Variants in GFPT1 observed in about 807,000 individuals in gnomAD.
The protein encoded by GFPT1 is glutamine--fructose-6-phosphate aminotransferase [isomerizing] 1.
In GFPT1, 40 loss-of-function variants were observed where a neutral mutation model predicts 92.0. The ratio of observed to expected loss-of-function variants is 0.43; its 90% CI spans 0.34 to 0.57. The LOEUF is 0.57. Among genes scored for constraint, GFPT1 ranks in the 20% least tolerant of loss-of-function variants. The probability of loss-of-function intolerance (pLI) is 0.02; values close to 1 mark genes in which losing one functional copy is unlikely to be tolerated. For synonymous variants in GFPT1, 269 were observed against 280.6 expected, an observed-to-expected ratio of 0.96 and a Z score of 0.41; for missense variants, 448 against 869.1, an observed-to-expected ratio of 0.52 and a Z score of 6.09.
At chr2:69,332,909 T>C (rs1212351835) in intron 15 of GFPT1, among the ~76,000 whole-genome samples, 1 of 152,156 alleles carries the variant, frequency 6.6e-6, no homozygotes, top group Non-Finnish European at 1.5e-5. Context: ...AATCACAGTC[T>C]GGTAACTCCT....
chr2:69,339,339 T>A (rs1670879715), intron 13 of GFPT1, among the ~76,000 whole-genome samples: 1 of 152,216 alleles, frequency 6.6e-6, no homozygotes, highest in Non-Finnish European at 1.5e-5. Context: ...GAAGTCAATA[T>A]ATTTTAGAAA....
At chr2:69,365,166 T>C (rs1357323079) in intron 3 of GFPT1, among the ~76,000 whole-genome samples, 1 of 152,122 alleles carries the variant, frequency 6.6e-6, no homozygotes, top group Admixed American at 6.5e-5. Context: ...ACAAAGTTTA[T>C]CAGAGTTAGG....
At chr2:69,374,317 TTC>T (rs972156581) in intron 1 of GFPT1, among the ~76,000 whole-genome samples, 2 of 86,286 alleles carry the variant, frequency 2.3e-5, no homozygotes, top group Non-Finnish European at 4.4e-5. Flanking sequence ...TTATAATTTT[TTC>T]TTTTTTTTTT....
Position 69,352,483 on chromosome 2 carries a change from C to T in GFPT1, c.739+1776G>A, listed in dbSNP as rs531602180. On this transcript the variant is annotated intron_variant, in intron 9 of 19. Coordinates refer to ENST00000357308, the MANE Select transcript of GFPT1 (RefSeq NM_001244710.2). ...GAAAAATTTGCTGGGTGTGGTGGCA[C>T]GTGCCTGTAATCCCAGCTACTCAGG... 4.6e-5 allele frequency among the ~76,000 whole-genome samples: 7 copies of T among 150,570 alleles called. No homozygotes were observed. The East Asian group carries it at 1.0e-3, about 22-fold the overall frequency.
chr2:69,387,209 C>A lies in GFPT1; in HGVS notation c.-138G>T. On this transcript the variant is annotated 5_prime_UTR_variant, in exon 1 of 20. Transcript: ENST00000357308. ...ACGACTCCCTCGGGGATGCGACGGC[C>A]AAGGCAACGACAGCCTTCTCCGCCT... is the stretch of plus-strand genomic sequence containing the variant. 1.1e-6 allele frequency: 1 copy of A among 951,864 alleles called. No homozygotes were observed. The highest frequency in any genetic ancestry group is 1.5e-6 in the Non-Finnish European group (1 of 671,590). The allele number at this position is 951,864 out of a possible 1,614,324, so 59.0% of individuals were successfully genotyped here.
intron 15 of GFPT1, among the ~76,000 whole-genome samples, chr2:69,332,630 T>G (rs1300779665): frequency 6.6e-6 from 1 of 152,024 alleles, no homozygotes; most frequent in Non-Finnish European, 1.5e-5. Flanking sequence ...TTAATGGTAG[T>G]TCTGATTTTT....
intron 2 of GFPT1, among the ~76,000 whole-genome samples, chr2:69,373,468 A>G (rs931649594): frequency 1.3e-5 from 2 of 152,092 alleles, no homozygotes; most frequent in African/African-American, 4.8e-5. Context: ...AACTTTTTAA[A>G]AATTAGCTGG....
intron 11 of GFPT1, 116 bp from the exon 12 acceptor site, chr2:69,346,115 T>C: frequency 1.4e-6 from 1 of 702,276 alleles, no homozygotes. Context: ...CAAAAGTTCA[T>C]GCAATAGACA....
chr2:69,367,486 G>A (rs762831132), intron 3 of GFPT1, among the ~76,000 whole-genome samples: 12 of 151,972 alleles, frequency 7.9e-5, no homozygotes, highest in Non-Finnish European at 1.2e-4. Context: ...TCAGCCTCCC[G>A]AATAGCTGGA....
At chr2:69,350,048 A>C in intron 10 of GFPT1, 30 bp downstream of exon 10, 1 of 1,430,296 alleles carries the variant, frequency 7.0e-7, no homozygotes, top group Non-Finnish European at 9.9e-7. Flanking sequence ...TTTTACTAAA[A>C]ATCTCTTTGA....
intron 1 of GFPT1, among the ~76,000 whole-genome samples, chr2:69,383,603 T>TTTATTTATTTATTTATTTAC (rs1672060534): frequency 6.6e-6 from 1 of 152,082 alleles, no homozygotes; most frequent in Non-Finnish European, 1.5e-5. Context: ...AAACATTCCA[T>TTTATTTATTTATTTATTTAC]TTATTTATTT....
At chr2:69,342,098 G>T (rs1670967169) in intron 13 of GFPT1, 54 bp downstream of exon 13, 1 of 917,000 alleles carries the variant, frequency 1.1e-6, no homozygotes, top group Non-Finnish European at 1.8e-6. Flanking sequence ...CTACTACTTG[G>T]TCTACAGATA....
chr2:69,343,414 CT>C (rs113621682), intron 12 of GFPT1, among the ~76,000 whole-genome samples: 1,486 of 143,474 alleles, frequency 0.01, 16 homozygotes, highest in East Asian at 0.049. Context: ...ATCTCCTCAC[CT>C]TTTTTTTTTT....
chr2:69,330,130 G>C (rs565266912), intron 15 of GFPT1, among the ~76,000 whole-genome samples: 96 of 152,134 alleles, frequency 6.3e-4, no homozygotes, highest in Non-Finnish European at 1.2e-3. Flanking sequence ...ACTTGAGCCC[G>C]GGAGGCAGAG....
At chr2:69,335,096 T>C (rs1224366954) in intron 15 of GFPT1, among the ~76,000 whole-genome samples, 1 of 152,158 alleles carries the variant, frequency 6.6e-6, no homozygotes. Flanking sequence ...AGCCTCAAAC[T>C]CTCAGGCTCA....
intron 3 of GFPT1, among the ~76,000 whole-genome samples, chr2:69,368,244 G>A (rs942440450): frequency 3.9e-5 from 6 of 152,264 alleles, no homozygotes; most frequent in East Asian, 1.9e-4. Flanking sequence ...TTAGCCAGGC[G>A]TTGTGGCGGG....
intron 13 of GFPT1, among the ~76,000 whole-genome samples, chr2:69,340,089 T>A (rs905346904): frequency 1.3e-4 from 19 of 150,178 alleles, no homozygotes; most frequent in African/African-American, 4.6e-4. Flanking sequence ...AAAAAAGTAA[T>A]CTCAAGATTT....
chr2:69,340,488 C>G (rs1288543603), intron 13 of GFPT1, among the ~76,000 whole-genome samples: 2 of 152,124 alleles, frequency 1.3e-5, no homozygotes, highest in Non-Finnish European at 2.9e-5. Flanking sequence ...GCCTAGTGTT[C>G]CATCACTGGA....
chr2:69,345,674 C>T (rs1217167694), intron 12 of GFPT1, among the ~76,000 whole-genome samples: 2 of 152,158 alleles, frequency 1.3e-5, no homozygotes, highest in Admixed American at 1.3e-4. Context: ...CCCCACAGCC[C>T]TTGGTAACCA....
Sources: gnomAD v4.1 joint callset for allele counts (sites outside exome capture counted in the v4.1 genomes callset) on GRCh38, gnomAD v4.1.1 for gene constraint, MANE v1.5 for transcripts, NCBI Gene and HGNC (gene_info 2026-07-23, HGNC 2026-07-21) for gene names.